GATA4: variants seen among roughly 807,000 people sequenced by gnomAD.
GATA4 encodes the protein GATA binding protein 4.
A neutral mutation model predicts 37.9 loss-of-function variants in GATA4; 7 were observed. The ratio of observed to expected loss-of-function variants is 0.18; its 90% CI spans 0.11 to 0.35. GATA4 has a LOEUF of 0.35. GATA4 is among the 10% of genes least tolerant of loss of function. The pLI is 1.00. For missense variants in GATA4, 647 were observed against 653.0 expected, an observed-to-expected ratio of 0.99 and a Z score of 0.10; for synonymous variants, 372 against 292.6, an observed-to-expected ratio of 1.27 and a Z score of -2.77.
At chr8:11,737,401 C>T (rs970986746) in intron 2 of GATA4, among the ~76,000 whole-genome samples, 4 of 152,244 alleles carry the variant, frequency 2.6e-5, no homozygotes, top group African/African-American at 9.6e-5. Context: ...CCCATTGTCT[C>T]GGTCCCTGAG....
upstream of GATA4, among the ~76,000 whole-genome samples, chr8:11,702,018 A>G (rs375020809): frequency 3.3e-3 from 509 of 152,332 alleles, 5 homozygotes; most frequent in African/African-American, 0.011. This position sits in a 1 kb window ranked among gnomAD's most constrained non-coding sequence, Gnocchi z 4.4. Context: ...CCCACCATCC[A>G]CAGCACAGCC....
chr8:11,751,115 T>C (rs1802282649), intron 4 of GATA4, among the ~76,000 whole-genome samples: 1 of 152,216 alleles, frequency 6.6e-6, no homozygotes, highest in African/African-American at 2.4e-5. Context: ...ATATATTTGA[T>C]TTTGTAAATA....
intron 2 of GATA4, among the ~76,000 whole-genome samples, chr8:11,728,000 T>G (rs1453954694): frequency 2.0e-5 from 3 of 152,224 alleles, no homozygotes. Flanking sequence ...TACTTATTTA[T>G]TTATTTAGAG....
At chr8:11,706,650 A>G (rs1799901304) in intron 1 of GATA4, among the ~76,000 whole-genome samples, 1 of 152,222 alleles carries the variant, frequency 6.6e-6, no homozygotes, top group Non-Finnish European at 1.5e-5. Flanking sequence ...TAAATCTACT[A>G]TTGAAATAAA....
chr8:11,717,675 G>A (rs1451855044), intron 2 of GATA4, among the ~76,000 whole-genome samples: 2 of 152,208 alleles, frequency 1.3e-5, no homozygotes, highest in Non-Finnish European at 2.9e-5. Context: ...GATTTTCCAT[G>A]ACTTGTCGCT....
At chr8:11,729,111 T>C (rs1801080506) in intron 2 of GATA4, among the ~76,000 whole-genome samples, 1 of 152,032 alleles carries the variant, frequency 6.6e-6, no homozygotes, top group Admixed American at 6.5e-5. Flanking sequence ...CAGGTGCCTA[T>C]AATCCCAACT....
chr8:11,688,074 G>T (rs926166986), upstream of GATA4, among the ~76,000 whole-genome samples: 2 of 152,226 alleles, frequency 1.3e-5, no homozygotes, highest in Non-Finnish European at 2.9e-5. Context: ...CCAGTTTATA[G>T]ATTCAGCAGA....
In GATA4 at chr8:11,749,478, C is replaced by T. The variant is rs1046421876; in HGVS notation, c.786+393C>T. The stretch of plus-strand genomic sequence containing the variant: ...GGTCACCTCAGAGGCTGGTCTCTAC[C>T]CTGACCTCAGTTGATCAGTTGATAA... On this transcript the variant is annotated intron_variant, in intron 3 of 6. Coordinates refer to ENST00000532059, the MANE Select transcript of GATA4 (RefSeq NM_001308093.3). This position sits in a 1 kb window ranked among gnomAD's most constrained non-coding sequence, Gnocchi z 4.6. Among the ~76,000 whole-genome samples, 1 of 152,152 alleles carries T rather than the reference C, an allele frequency of 6.6e-6. No homozygotes were observed. Among genetic ancestry groups the T allele is most frequent in the African/African-American group, 2.4e-5 (1 of 41,438 alleles).
chr8:11,700,743 G>C (rs1799648196), upstream of GATA4: 1 of 152,294 alleles, frequency 6.6e-6, no homozygotes, highest in Non-Finnish European at 1.5e-5. Flanking sequence ...GCAGAGGCGC[G>C]TCCATATCTT....
chr8:11,728,136 G>A (rs1191212280), intron 2 of GATA4, among the ~76,000 whole-genome samples: 1 of 151,962 alleles, frequency 6.6e-6, no homozygotes, highest in African/African-American at 2.4e-5. Flanking sequence ...GATTACAGGC[G>A]CCTACCACCA....
intron 2 of GATA4, among the ~76,000 whole-genome samples, chr8:11,732,271 T>C (rs755372396): frequency 3.3e-5 from 5 of 152,186 alleles, no homozygotes; most frequent in African/African-American, 4.8e-5. Flanking sequence ...GTAAGTGAAA[T>C]GTATTTGTAA....
At position 11,709,337 on chromosome 8, in the gene GATA4, G is replaced by T. The variant is rs917961307; in HGVS notation, c.616+409G>T. 1.3e-5 allele frequency among the ~76,000 whole-genome samples: 2 copies of T among 152,206 alleles called. No individual in the cohort carries two copies. The highest frequency in any genetic ancestry group is 4.8e-5 in the African/African-American group (2 of 41,456). ...GAGTTTCTGCGCCCCTTTCCTCCCC[G>T]CCCGCCCTCGGGCCTCCGCAGGGAA... On this transcript the variant is annotated intron_variant, in intron 2 of 6. Coordinates refer to ENST00000532059, the MANE Select transcript of GATA4 (RefSeq NM_001308093.3). The surrounding 1 kb of genome is among the most constrained non-coding windows in gnomAD (Gnocchi z 4.3).
Position 11,709,036 on chromosome 8 carries a change from A to ATGG in GATA4, c.616+111_616+113dup. 1 of 1,163,296 alleles carries ATGG rather than the reference A, an allele frequency of 8.6e-7. No individual in the cohort carries two copies. The highest frequency in any genetic ancestry group is 1.1e-6 in the Non-Finnish European group (1 of 870,308). The allele number at this position is 1,163,296 out of a possible 1,614,324, so 72.1% of individuals were successfully genotyped here. ...CACCAACGCCTTCGTTGGGCTGGGG[A>ATGG]TGGTGCTTCACTACCTCGAGTTTCT... On this transcript the variant is annotated intron_variant, in intron 2 of 6. Transcript: ENST00000532059. This position sits in a 1 kb window ranked among gnomAD's most constrained non-coding sequence, Gnocchi z 4.3.
chr8:11,713,752 G>A (rs1020508345), intron 2 of GATA4, among the ~76,000 whole-genome samples: 1 of 152,256 alleles, frequency 6.6e-6, no homozygotes, highest in Non-Finnish European at 1.5e-5. Context: ...TGGAAATGCA[G>A]TATAGAATAT....
At chr8:11,704,968 C>G (rs1201578926) in intron 1 of GATA4, among the ~76,000 whole-genome samples, 2 of 152,270 alleles carry the variant, frequency 1.3e-5, no homozygotes, top group Non-Finnish European at 2.9e-5. Context: ...GGCCCGAGCC[C>G]GGACCGGAGC....
At chr8:11,743,215 C>T (rs1367243781) in intron 2 of GATA4, among the ~76,000 whole-genome samples, 1 of 152,260 alleles carries the variant, frequency 6.6e-6, no homozygotes, top group Non-Finnish European at 1.5e-5. Flanking sequence ...TTGAGTTGTG[C>T]ATCCCCAGCT....
At chr8:11,684,363 A>G (rs1799072093) in intron 1 of GATA4, among the ~76,000 whole-genome samples, 1 of 152,232 alleles carries the variant, frequency 6.6e-6, no homozygotes, top group South Asian at 2.1e-4. Flanking sequence ...AGCATAGTCT[A>G]AAAATAAGGT....
chr8:11,744,321 A>C (rs959137378), intron 2 of GATA4, among the ~76,000 whole-genome samples: 33 of 152,350 alleles, frequency 2.2e-4, no homozygotes, highest in African/African-American at 7.2e-4. Flanking sequence ...CCATTGTTGT[A>C]AGTTTTTCCT....
chr8:11,704,849 C>G (rs1799821708), intron 1 of GATA4, among the ~76,000 whole-genome samples: 1 of 152,238 alleles, frequency 6.6e-6, no homozygotes. Flanking sequence ...TATTCATGCC[C>G]TTTCTGGCCG....
Sources: allele counts gnomAD v4.1 joint callset (sites outside exome capture counted in the v4.1 genomes callset), GRCh38; gene constraint gnomAD v4.1.1; non-coding constraint Gnocchi (gnomAD v3.1); transcripts MANE v1.5; gene names NCBI Gene and HGNC (gene_info 2026-07-23, HGNC 2026-07-21).